Variants in ANKRD28 observed in about 807,000 individuals in gnomAD.
The protein encoded by ANKRD28 is serine/threonine-protein phosphatase 6 regulatory ankyrin repeat subunit A.
ANKRD28 carries 44 observed loss-of-function variants against 126.5 expected under a neutral mutation model. The ratio of observed to expected loss-of-function variants is 0.35; its 90% CI spans 0.27 to 0.45. ANKRD28 has a LOEUF of 0.45. ANKRD28 is among the 20% of genes least tolerant of loss of function. ANKRD28 has a pLI of 1.00. For synonymous variants in ANKRD28, 442 were observed against 468.5 expected, an observed-to-expected ratio of 0.94 and a Z score of 0.73; for missense variants, 1,110 against 1,316.6, an observed-to-expected ratio of 0.84 and a Z score of 2.43.
intron 3 of ANKRD28, among the ~76,000 whole-genome samples, chr3:15,765,847 CAA>C (rs202083902): frequency 0.57 from 75,563 of 133,010 alleles, 20,991 homozygotes; most frequent in Admixed American, 0.67. Flanking sequence ...AACCAAAAAC[CAA>C]AAAAAAAAAA....
rs1559489384 is a variant in ANKRD28 at position 15,762,223 on chromosome 3, A to AC, written c.280+4010_280+4011insG. 2.0e-3 allele frequency among the ~76,000 whole-genome samples: 286 copies of AC among 140,140 alleles called. 1 individual carries two copies. Among genetic ancestry groups the AC allele is most frequent in the South Asian group, 4.0e-3 (18 of 4,480 alleles). 91.9% of individuals were successfully genotyped at this position (140,140 alleles called of 152,430 possible). On this transcript the variant is annotated intron_variant, in intron 3 of 27. Transcript: ENST00000683139. ...AAAAAAAAAAAAAAAACAAAACAAA[A>AC]AAAAAAAAACTCTCCTGGTTCCTTC...
intron 15 of ANKRD28, 148 bp from the exon 16 acceptor site, chr3:15,695,362 A>T (rs974322950): frequency 1.9e-5 from 12 of 627,764 alleles, no homozygotes; most frequent in Middle Eastern, 4.3e-4. Flanking sequence ...AAACAATTTT[A>T]TATCACAACA....
chr3:15,769,287 A>G (rs1038117734), intron 2 of ANKRD28, among the ~76,000 whole-genome samples: 1 of 152,246 alleles, frequency 6.6e-6, no homozygotes, highest in African/African-American at 2.4e-5. Flanking sequence ...AGGGAGAAAT[A>G]CAACTGGCTA....
At chr3:15,693,808 A>T (rs2069145675) in intron 17 of ANKRD28, among the ~76,000 whole-genome samples, 1 of 152,180 alleles carries the variant, frequency 6.6e-6, no homozygotes, top group African/African-American at 2.4e-5. Context: ...TTAGAACATG[A>T]TAGGAAGTAT....
chr3:15,763,065 C>A (rs1437035832), intron 3 of ANKRD28, among the ~76,000 whole-genome samples: 1 of 152,120 alleles, frequency 6.6e-6, no homozygotes, highest in Non-Finnish European at 1.5e-5. Flanking sequence ...TGTTTATAAG[C>A]AGAAAGCTGA....
intron 14 of ANKRD28, among the ~76,000 whole-genome samples, chr3:15,703,503 T>C (rs1436749030): frequency 6.6e-6 from 1 of 152,172 alleles, no homozygotes; most frequent in Non-Finnish European, 1.5e-5. Context: ...AGAGCTCTCA[T>C]TCCTTCTACC....
rs2060843932 is a variant in ANKRD28, at chr3:15,816,943, C to T, written c.28-21637G>A. ...AGCCACAGTGGCTCATGCCTGTAAT[C>T]CCAGCACTTTGGGAGGCCAAAGTGA... On this transcript the variant is annotated intron_variant, in intron 1 of 27. Coordinates refer to the ANKRD28 transcript ENST00000399451. This position sits in a 1 kb window ranked among gnomAD's most constrained non-coding sequence, Gnocchi z 5.0. Among the ~76,000 whole-genome samples, 1 of 152,090 alleles carries T rather than the reference C, an allele frequency of 6.6e-6. No individual in the cohort carries two copies. The highest frequency in any genetic ancestry group is 2.4e-5 in the African/African-American group (1 of 41,390).
intron 1 of ANKRD28, among the ~76,000 whole-genome samples, chr3:15,831,557 A>C (rs1480117360): frequency 6.6e-6 from 1 of 152,194 alleles, no homozygotes; most frequent in African/African-American, 2.4e-5. Flanking sequence ...AGACACTGTC[A>C]AATTCCCCTG....
rs1418223588 is a variant in ANKRD28, at chr3:15,850,224, T to TATATATATATATATAG, written c.27+9152_27+9153insCTATATATATATATAT. 1.7e-3 allele frequency among the ~76,000 whole-genome samples: 60 copies of TATATATATATATATAG among 35,100 alleles called. 1 individual carries two copies. The highest frequency in any genetic ancestry group is 2.9e-3 in the Non-Finnish European group (49 of 16,762). 23.0% of individuals were successfully genotyped at this position (35,100 alleles called of 152,430 possible). A position where few individuals can be genotyped will look rare whatever the true frequency, so the allele number is the denominator to read the frequency against. On this transcript the variant is annotated intron_variant, in intron 1 of 27. Coordinates refer to the ANKRD28 transcript ENST00000399451. ...AAAAAAATATATATATATATATATA[T>TATATATATATATATAG]AGAGAGAGAGAGAGAGAGAGAGAGA...
At chr3:15,731,378 C>G (rs2074584443) in intron 6 of ANKRD28, among the ~76,000 whole-genome samples, 1 of 152,294 alleles carries the variant, frequency 6.6e-6, no homozygotes, top group East Asian at 1.9e-4. Flanking sequence ...ATGTAAGCCT[C>G]TTAACGTAAG....
intron 7 of ANKRD28, among the ~76,000 whole-genome samples, chr3:15,722,131 T>C (rs758922019): frequency 2.6e-5 from 4 of 152,204 alleles, no homozygotes; most frequent in Non-Finnish European, 5.9e-5. Flanking sequence ...GAGAGGTCTG[T>C]CCTTTGCCCC....
Position 15,838,602 on chromosome 3 carries a change from G to C in ANKRD28, c.27+20775C>G, listed in dbSNP as rs1355611666. Reference sequence around the variant, plus strand: ...TTCTACTAAAAATACAAAAAACTTAGTCGGGCATGGTGGCACATGCCTGTA... The same window carrying C: ...TTCTACTAAAAATACAAAAAACTTACTCGGGCATGGTGGCACATGCCTGTA... On this transcript the variant is annotated intron_variant, in intron 1 of 27. Coordinates refer to the ANKRD28 transcript ENST00000399451. This position sits in a 1 kb window ranked among gnomAD's most constrained non-coding sequence, Gnocchi z 4.0. Among the ~76,000 whole-genome samples the C allele has an allele frequency of 6.6e-6, 1 of 152,000 alleles. No individual in the cohort carries two copies. The highest frequency in any genetic ancestry group is 1.5e-5 in the Non-Finnish European group (1 of 67,994).
chr3:15,765,762 C>T (rs900312586), intron 3 of ANKRD28, among the ~76,000 whole-genome samples: 1 of 151,386 alleles, frequency 6.6e-6, no homozygotes, highest in African/African-American at 2.4e-5. Flanking sequence ...ATCACTTGAA[C>T]CAGGGAGCTG....
At position 15,819,555 on chromosome 3, in the gene ANKRD28, A is replaced by T. The variant is rs184767674; in HGVS notation, c.28-24249T>A. 9.8e-4 allele frequency among the ~76,000 whole-genome samples: 149 copies of T among 152,346 alleles called. No individual in the cohort carries two copies. In the Middle Eastern group the frequency reaches 0.014, roughly 14 times the overall value. ...AAACAAAATAATATTGGTTGGCTAC[A>T]GTACAGGAAACCAGATGACTTGGGA... On this transcript the variant is annotated intron_variant, in intron 1 of 27. Transcript: ENST00000399451.
rs879825671 is a variant in ANKRD28, at chr3:15,724,501, G to A, written c.664C>T (p.Leu222Phe). 2.5e-6 allele frequency: 4 copies of A among 1,587,152 alleles called. No homozygotes were observed. The highest frequency in any genetic ancestry group is 2.6e-6 in the Non-Finnish European group (3 of 1,165,734). ...YMGHIEVVKLLVSHGAEVTCK... is the reference protein window; with the variant it reads ...YMGHIEVVKLFVSHGAEVTCK... ...GTCACTTCAGCTCCATGCGACACAA[G>A]CAATTTCACTACTTCAATGTGACCT... is the stretch of plus-strand genomic sequence containing the variant. The change falls in exon 7 of 28, where the codon CTT becomes TTT. Residue 222 changes from leucine (L) to phenylalanine (F), a missense_variant. Coordinates refer to ENST00000683139, the MANE Select transcript of ANKRD28 (RefSeq NM_001349278.2).
intron 4 of ANKRD28, among the ~76,000 whole-genome samples, chr3:15,740,588 G>A (rs2075382185): frequency 6.6e-6 from 1 of 152,176 alleles, no homozygotes; most frequent in South Asian, 2.1e-4. Context: ...TGAACAATTT[G>A]TAATTGGATA....
intron 18 of ANKRD28, among the ~76,000 whole-genome samples, chr3:15,687,737 C>A (rs776371313): frequency 3.3e-5 from 5 of 152,180 alleles, no homozygotes; most frequent in Non-Finnish European, 5.9e-5. Context: ...ACTCTGCCAG[C>A]AGCTCTCACA....
rs1267225630 is a variant in ANKRD28 at position 15,685,417 on chromosome 3, T to A, written c.2198A>T (p.Asp733Val). The A allele has an allele frequency of 6.2e-7, 1 of 1,614,012 alleles. No individual in the cohort carries two copies. The highest frequency in any genetic ancestry group is 2.2e-5 in the East Asian group (1 of 44,886). Reference sequence around the variant, plus strand: ...CTTAGCACCATGTTGAAGTAATGCATCTACACATTCTTCATGGCCTGTAAC... The same window carrying A: ...CTTAGCACCATGTTGAAGTAATGCAACTACACATTCTTCATGGCCTGTAAC... ...GAVTGHEECV[D>V]ALLQHGAKCL... Residue 733 changes from aspartate (D) to valine (V), a missense_variant, in exon 21 of 28, where the codon GAT becomes GTT. Asp to Val is a radical substitution (Grantham distance 152, BLOSUM62 -3). Transcript: ENST00000683139.
chr3:15,792,834 C>T (rs914935921), intron 2 of ANKRD28, among the ~76,000 whole-genome samples: 12 of 151,994 alleles, frequency 7.9e-5, no homozygotes, highest in African/African-American at 2.9e-4. Context: ...AATATAGACA[C>T]CTATTATGTA....
Sources: allele counts gnomAD v4.1 joint callset (sites outside exome capture counted in the v4.1 genomes callset), GRCh38; gene constraint gnomAD v4.1.1; non-coding constraint Gnocchi (gnomAD v3.1); transcripts MANE v1.5; gene names NCBI Gene and HGNC (gene_info 2026-07-23, HGNC 2026-07-21).